PPP2R2B: variants seen among roughly 807,000 people sequenced by gnomAD.
The protein encoded by PPP2R2B is protein phosphatase 2 regulatory subunit Bbeta, also known as serine/threonine-protein phosphatase 2A 55 kDa regulatory subunit B beta isoform.
PPP2R2B carries 5 observed loss-of-function variants against 46.0 expected under a neutral mutation model. The observed-to-expected ratio is 0.11, with a 90% CI of 0.06 to 0.23. The LOEUF is 0.23. Ranked by LOEUF, PPP2R2B falls within the 10% of genes least tolerant of loss-of-function variation. The pLI is 1.00. For synonymous variants in PPP2R2B, 215 were observed against 206.7 expected, an observed-to-expected ratio of 1.04 and a Z score of -0.34; for missense variants, 367 against 575.0, an observed-to-expected ratio of 0.64 and a Z score of 3.70.
chr5:146,810,816 T>C (rs956539028), intron 2 of PPP2R2B, among the ~76,000 whole-genome samples: 5 of 152,052 alleles, frequency 3.3e-5, no homozygotes, highest in African/African-American at 1.2e-4. Context: ...GTTGGTGTGC[T>C]GCACCCATTA....
chr5:147,069,785 G>GTTTTTTGTTTTTTT (rs1757522984), intron 2 of PPP2R2B, among the ~76,000 whole-genome samples: 1 of 64,786 alleles, frequency 1.5e-5, no homozygotes, highest in Non-Finnish European at 2.5e-5. Context: ...ATTTTATACT[G>GTTTTTTGTTTTTTT]TTTTTTTTTT....
At chr5:146,742,258 C>A (rs969647290) in intron 2 of PPP2R2B, among the ~76,000 whole-genome samples, 4 of 151,978 alleles carry the variant, frequency 2.6e-5, no homozygotes, top group Admixed American at 1.3e-4. Flanking sequence ...ATCTAAAATG[C>A]GCATGAAGCC....
chr5:146,861,426 C>T (rs920012255), intron 2 of PPP2R2B, among the ~76,000 whole-genome samples: 2 of 152,156 alleles, frequency 1.3e-5, no homozygotes, highest in South Asian at 2.1e-4. Context: ...CTCCTGACCT[C>T]GTGATCCACC....
intron 1 of PPP2R2B, among the ~76,000 whole-genome samples, chr5:147,020,942 A>T (rs550450745): frequency 7.2e-5 from 11 of 152,296 alleles, no homozygotes; most frequent in African/African-American, 2.4e-4. Context: ...GATATTCTAT[A>T]TGCTATATTG....
intron 2 of PPP2R2B, among the ~76,000 whole-genome samples, chr5:146,875,118 T>C (rs1437124931): frequency 6.6e-6 from 1 of 152,212 alleles, no homozygotes; most frequent in Non-Finnish European, 1.5e-5. Context: ...TGTGTGACTT[T>C]TGGCAAATTA....
chr5:146,768,681 A>G (rs1754645217), intron 2 of PPP2R2B, among the ~76,000 whole-genome samples: 1 of 152,160 alleles, frequency 6.6e-6, no homozygotes, highest in African/African-American at 2.4e-5. Context: ...CGCTGGGCCC[A>G]CACCATCTGA....
chr5:146,659,754 T>G (rs1002736626), intron 5 of PPP2R2B, among the ~76,000 whole-genome samples: 2 of 152,200 alleles, frequency 1.3e-5, no homozygotes, highest in Admixed American at 6.5e-5. Context: ...AAGGTCATAT[T>G]GTTGCCAAGG....
At chr5:147,030,958 C>T (rs1220945248) in intron 1 of PPP2R2B, among the ~76,000 whole-genome samples, 1 of 152,136 alleles carries the variant, frequency 6.6e-6, no homozygotes, top group Admixed American at 6.5e-5. Context: ...TCTTTATGGC[C>T]GTGCGCGGTG....
intron 7 of PPP2R2B, among the ~76,000 whole-genome samples, chr5:146,631,071 G>A (rs1774393708): frequency 1.3e-5 from 2 of 152,172 alleles, no homozygotes; most frequent in African/African-American, 4.8e-5. Flanking sequence ...CAGAGGGGAA[G>A]AAACAAAACA....
intron 2 of PPP2R2B, among the ~76,000 whole-genome samples, chr5:146,811,584 G>A (rs607408): frequency 0.16 from 21,513 of 134,792 alleles, 2,012 homozygotes; most frequent in African/African-American, 0.26. Flanking sequence ...TTTTTGAGAA[G>A]GAATCTCACT....
intron 2 of PPP2R2B, among the ~76,000 whole-genome samples, chr5:146,859,916 A>G (rs1158292579): frequency 6.6e-5 from 10 of 152,080 alleles, no homozygotes; most frequent in African/African-American, 2.2e-4. Context: ...AGGGAAAAAA[A>G]AGAAATTCTA....
intron 2 of PPP2R2B, among the ~76,000 whole-genome samples, chr5:146,790,367 GGACC>G (rs1244748944): frequency 2.6e-5 from 4 of 152,096 alleles, no homozygotes; most frequent in African/African-American, 4.8e-5. Flanking sequence ...TTTGCTCTTG[GGACC>G]TTAAGTGATT....
chr5:146,604,931 T>C (rs1367387663), intron 7 of PPP2R2B, among the ~76,000 whole-genome samples: 4 of 152,186 alleles, frequency 2.6e-5, no homozygotes, highest in African/African-American at 9.7e-5. Flanking sequence ...CCTTGTATAG[T>C]CCCACTTTGG....
At chr5:146,735,408 G>C (rs768609995) in intron 2 of PPP2R2B, among the ~76,000 whole-genome samples, 1 of 151,950 alleles carries the variant, frequency 6.6e-6, no homozygotes, top group Non-Finnish European at 1.5e-5. Context: ...GAATGAAAAG[G>C]CATGGTATAT....
chr5:147,075,114 C>A (rs1178527147), intron 2 of PPP2R2B, among the ~76,000 whole-genome samples: 1 of 152,078 alleles, frequency 6.6e-6, no homozygotes, highest in Non-Finnish European at 1.5e-5. Context: ...AATCAGACAC[C>A]AAGTCTCAAG....
intron 2 of PPP2R2B, among the ~76,000 whole-genome samples, chr5:147,062,993 AG>A (rs1265566249): frequency 1.4e-5 from 1 of 71,432 alleles, no homozygotes; most frequent in Non-Finnish European, 2.5e-5. Flanking sequence ...GGAGGGAGGG[AG>A]GGAGGGGGGA....
intron 1 of PPP2R2B, among the ~76,000 whole-genome samples, chr5:146,887,555 A>C (rs924998836): frequency 1.3e-5 from 2 of 152,198 alleles, no homozygotes; most frequent in African/African-American, 4.8e-5. Flanking sequence ...TTCCCCTAAA[A>C]CTAGTAAGCT....
intron 2 of PPP2R2B, among the ~76,000 whole-genome samples, chr5:146,764,027 A>T (rs1754320625): frequency 6.6e-6 from 1 of 152,164 alleles, no homozygotes; most frequent in African/African-American, 2.4e-5. Context: ...GATCCTGGCA[A>T]CAATTTTAAT....
intron 7 of PPP2R2B, chr5:146,607,284 T>A (rs906461958): frequency 1.3e-5 from 2 of 152,002 alleles, no homozygotes; most frequent in African/African-American, 2.4e-5. Flanking sequence ...AGAGAAGAGG[T>A]TTAAGATTTA....
Sources: gnomAD v4.1 joint callset for allele counts (sites outside exome capture counted in the v4.1 genomes callset) on GRCh38, gnomAD v4.1.1 for gene constraint, MANE v1.5 for transcripts, NCBI Gene and HGNC (gene_info 2026-07-23, HGNC 2026-07-21) for gene names.